Variants in TRIM33 observed in about 807,000 individuals in gnomAD.
The protein encoded by TRIM33 is E3 ubiquitin-protein ligase TRIM33.
TRIM33 carries 20 observed loss-of-function variants against 125.4 expected under a neutral mutation model. That is an observed-to-expected ratio of 0.16 (90% confidence interval 0.11 to 0.23). The LOEUF (loss-of-function observed/expected upper bound fraction) is 0.23. Ranked by LOEUF, TRIM33 falls within the 10% of genes least tolerant of loss-of-function variation. The pLI is 1.00. For synonymous variants in TRIM33, 564 were observed against 513.9 expected (o/e 1.10, Z -1.32); for missense variants, 920 against 1,411.4 (o/e 0.65, Z 5.58).
rs1489914855 is a variant in TRIM33, at chr1:114,408,778, T to C, written c.2195-38A>G. 3.0e-6 allele frequency: 4 copies of C among 1,346,686 alleles called. No individual in the cohort carries two copies. The East Asian group carries it at 9.4e-5, about 32-fold the overall frequency. 83.4% of individuals were successfully genotyped at this position (1,346,686 alleles called of 1,614,324 possible). A position where few individuals can be genotyped will look rare whatever the true frequency, so the allele number is the denominator to read the frequency against. ...AAGTCAAAATGAATATCAATGCATA[T>C]AAGAATATTTGGAATTCTACCTACC... On this transcript the variant is annotated intron_variant, in intron 12 of 19. Coordinates refer to ENST00000358465, the MANE Select transcript of TRIM33 (RefSeq NM_015906.4).
intron 4 of TRIM33, among the ~76,000 whole-genome samples, chr1:114,450,014 C>T (rs1649217944): frequency 6.6e-6 from 1 of 152,176 alleles, no homozygotes; most frequent in Non-Finnish European, 1.5e-5. Flanking sequence ...AAAAGAGGTA[C>T]ATAAGAGGCA....
intron 16 of TRIM33, 32 bp from the exon 17 acceptor site, chr1:114,401,495 A>C: frequency 1.3e-6 from 2 of 1,574,212 alleles, no homozygotes; most frequent in Non-Finnish European, 1.7e-6. Flanking sequence ...AAGCACATGA[A>C]ATATTTTTCT....
At chr1:114,411,656 CA>C (rs1246628596) in intron 11 of TRIM33, among the ~76,000 whole-genome samples, 1 of 152,108 alleles carries the variant, frequency 6.6e-6, no homozygotes, top group Non-Finnish European at 1.5e-5. Flanking sequence ...TCCTCACCTG[CA>C]ATTTGTATCT....
chr1:114,427,357 A>G, intron 7 of TRIM33, 63 bp from the exon 8 acceptor site: 1 of 897,158 alleles, frequency 1.1e-6, no homozygotes, highest in South Asian at 1.6e-5. Flanking sequence ...ATCATAAGAT[A>G]AAGACATTAA....
intron 11 of TRIM33, among the ~76,000 whole-genome samples, chr1:114,411,093 G>A (rs1652554433): frequency 6.6e-6 from 1 of 152,142 alleles, no homozygotes; most frequent in Admixed American, 6.5e-5. Context: ...AGACTGAAGA[G>A]CAGTGGCATC....
intron 13 of TRIM33, 130 bp from the exon 14 acceptor site, chr1:114,407,230 C>T: frequency 1.3e-6 from 1 of 755,162 alleles, no homozygotes; most frequent in South Asian, 2.1e-5. Context: ...ATAAGGATAC[C>T]TCATAATGTA....
chr1:114,486,114 A>G (rs1251876450), intron 1 of TRIM33, among the ~76,000 whole-genome samples: 2 of 151,966 alleles, frequency 1.3e-5, no homozygotes, highest in Non-Finnish European at 2.9e-5. Context: ...CATCTCTACT[A>G]AAAATACAAA....
At chr1:114,424,010 A>G (rs1259465117) in intron 10 of TRIM33, among the ~76,000 whole-genome samples, 1 of 152,190 alleles carries the variant, frequency 6.6e-6, no homozygotes, top group Admixed American at 6.5e-5. Flanking sequence ...TAGAAATCCT[A>G]TGAAAAAGTG....
At chr1:114,439,344 T>C (rs1013227381) in intron 4 of TRIM33, among the ~76,000 whole-genome samples, 2 of 151,660 alleles carry the variant, frequency 1.3e-5, no homozygotes, top group Non-Finnish European at 2.9e-5. Context: ...TGGTGGTGCA[T>C]GCCTGTAATC....
chr1:114,440,713 T>A (rs758455963), intron 4 of TRIM33, among the ~76,000 whole-genome samples: 3 of 151,982 alleles, frequency 2.0e-5, no homozygotes, highest in Non-Finnish European at 2.9e-5. Context: ...TGAACTGAGA[T>A]TGTTCAGAGA....
chr1:114,407,198 TAGACAA>T, intron 13 of TRIM33, 98 bp from the exon 14 acceptor site: 2 of 1,019,564 alleles, frequency 2.0e-6, no homozygotes, highest in Non-Finnish European at 2.8e-6. Flanking sequence ...GTGAAGACAA[TAGACAA>T]TTAACTTTAC....
chr1:114,418,921 T>C (rs1459202993), intron 11 of TRIM33, among the ~76,000 whole-genome samples: 2 of 151,722 alleles, frequency 1.3e-5, no homozygotes, highest in East Asian at 1.9e-4. Flanking sequence ...CAAACTACCT[T>C]TGAAAAACCC....
intron 1 of TRIM33, among the ~76,000 whole-genome samples, chr1:114,487,930 A>AAAAAG (rs1651815709): frequency 1.3e-5 from 2 of 148,300 alleles, no homozygotes; most frequent in African/African-American, 5.0e-5. Context: ...AAAAAAAAAA[A>AAAAAG]TGAGAGTAAA....
intron 1 of TRIM33, among the ~76,000 whole-genome samples, chr1:114,467,615 A>G (rs1650383541): frequency 6.6e-6 from 1 of 152,214 alleles, no homozygotes. Context: ...CACAGGAAGT[A>G]CACTTTACAT....
intron 11 of TRIM33, among the ~76,000 whole-genome samples, chr1:114,413,628 T>TAAAAA (rs34538412): frequency 2.4e-4 from 12 of 50,858 alleles, no homozygotes; most frequent in African/African-American, 7.6e-4. Flanking sequence ...AGCAAAACTG[T>TAAAAA]AAAAAAAAAA....
chr1:114,504,022 T>C (rs1026734860), intron 1 of TRIM33, among the ~76,000 whole-genome samples: 2 of 152,230 alleles, frequency 1.3e-5, no homozygotes, highest in South Asian at 2.1e-4. Context: ...AAATGTAATA[T>C]AGTAATTGTT....
At chr1:114,460,424 T>TG (rs1188646277) in intron 4 of TRIM33, 3 of 152,050 alleles carry the variant, frequency 2.0e-5, no homozygotes, top group African/African-American at 7.3e-5. Context: ...AAAATCAAAA[T>TG]GGAGTCCTTC....
At chr1:114,425,023 G>A (rs1419227500) in intron 9 of TRIM33, among the ~76,000 whole-genome samples, 3 of 151,732 alleles carry the variant, frequency 2.0e-5, no homozygotes, top group South Asian at 2.1e-4. Context: ...CAACATTAAC[G>A]TATCCCATCC....
rs927840722 is a variant in TRIM33 at position 114,425,148 on chromosome 1, G to A, written c.1695+301C>T. Among the ~76,000 whole-genome samples the A allele has an allele frequency of 7.2e-5, 11 of 152,162 alleles. No individual in the cohort carries two copies. The East Asian group carries it at 2.1e-3, about 29-fold the overall frequency. On this transcript the variant is annotated intron_variant, in intron 9 of 19. Transcript: ENST00000358465. ...TCAGATCCTAGGCAGAAACAGTCTG[G>A]TCCTTTGGTCCACAAAATTATACGT... is the stretch of plus-strand genomic sequence containing the variant.
Sources: allele counts gnomAD v4.1 joint callset (sites outside exome capture counted in the v4.1 genomes callset), GRCh38; gene constraint gnomAD v4.1.1; transcripts MANE v1.5; gene names NCBI Gene and HGNC (gene_info 2026-07-23, HGNC 2026-07-21).